Variants in C10orf67 observed in about 807,000 individuals in gnomAD.
C10orf67 encodes uncharacterized protein C10orf67, mitochondrial.
In C10orf67, 60 loss-of-function variants were observed where a neutral mutation model predicts 35.6. That is an observed-to-expected ratio of 1.68 (90% CI 1.37 to 2.09). The LOEUF is 2.09. Ranked by LOEUF, C10orf67 falls within the 30% of genes most tolerant of loss-of-function variation. C10orf67 has a pLI of 0.00. For missense variants in C10orf67, 474 were observed against 330.2 expected (o/e 1.44, Z -3.38); for synonymous variants, 167 against 115.8 (o/e 1.44, Z -2.84).
At chr10:23,306,824 C>A (rs1005920428) in intron 4 of C10orf67, among the ~76,000 whole-genome samples, 1 of 152,018 alleles carries the variant, frequency 6.6e-6, no homozygotes, top group African/African-American at 2.4e-5. Flanking sequence ...TATTTCAAAT[C>A]ATCACATTGT....
At chr10:23,263,953 T>C (rs532671601) in intron 10 of C10orf67, among the ~76,000 whole-genome samples, 1 of 152,340 alleles carries the variant, frequency 6.6e-6, no homozygotes, top group East Asian at 1.9e-4. Context: ...TTTATCACTG[T>C]GTGCTCCGTT....
chr10:23,279,608 A>G (rs1379312029), intron 8 of C10orf67, among the ~76,000 whole-genome samples: 1 of 152,170 alleles, frequency 6.6e-6, no homozygotes, highest in African/African-American at 2.4e-5. Flanking sequence ...GATGGAAATG[A>G]AGTAAGAGAA....
At chr10:23,277,849 GT>G (rs1173600251) in intron 8 of C10orf67, among the ~76,000 whole-genome samples, 1 of 152,142 alleles carries the variant, frequency 6.6e-6, no homozygotes, top group African/African-American at 2.4e-5. Flanking sequence ...GAGAAAAGAG[GT>G]TTAATTGGCT....
At chr10:23,325,664 T>A in intron 2 of C10orf67, among the ~76,000 whole-genome samples, 1 of 139,024 alleles carries the variant, frequency 7.2e-6, no homozygotes. Context: ...TAATCCAAAT[T>A]ACTTGGATTA....
chr10:23,217,470 C>A (rs899734306), intron 15 of C10orf67, among the ~76,000 whole-genome samples: 1 of 152,134 alleles, frequency 6.6e-6, no homozygotes, highest in African/African-American at 2.4e-5. Context: ...AAAGTTAATA[C>A]CCACTTGTCT....
chr10:23,325,889 A>G (rs1845176314), intron 2 of C10orf67, among the ~76,000 whole-genome samples: 1 of 152,184 alleles, frequency 6.6e-6, no homozygotes, highest in Non-Finnish European at 1.5e-5. Context: ...CAAATTCCCA[A>G]ATTGAAAAAT....
At chr10:23,238,180 G>T (rs1588604113) in intron 13 of C10orf67, among the ~76,000 whole-genome samples, 2 of 152,120 alleles carry the variant, frequency 1.3e-5, no homozygotes, top group East Asian at 3.9e-4. Context: ...TTGGTGCTTG[G>T]TACGTATGTG....
chr10:23,270,396 C>T (rs995753930), intron 8 of C10orf67, among the ~76,000 whole-genome samples: 1 of 152,148 alleles, frequency 6.6e-6, no homozygotes, highest in African/African-American at 2.4e-5. Context: ...CCTCATGAGC[C>T]CATACCACCA....
intron 3 of C10orf67, 34 bp from the exon 4 acceptor site, chr10:23,320,849 A>G (rs1233569238): frequency 1.4e-6 from 2 of 1,431,778 alleles, no homozygotes; most frequent in African/African-American, 1.4e-5. Context: ...AAGCACCATA[A>G]TGTATTTCCA....
intron 2 of C10orf67, among the ~76,000 whole-genome samples, chr10:23,325,029 T>G (rs1369871281): frequency 6.6e-6 from 1 of 152,094 alleles, no homozygotes; most frequent in African/African-American, 2.4e-5. Flanking sequence ...AGGGGAACTC[T>G]AAAATCACTG....
intron 4 of C10orf67, among the ~76,000 whole-genome samples, chr10:23,315,873 T>C (rs967348932): frequency 2.0e-5 from 3 of 152,064 alleles, no homozygotes; most frequent in African/African-American, 7.2e-5. Flanking sequence ...GGCTGGAGTA[T>C]AGCAGCACAA....
At chr10:23,250,390 C>T (rs903487461) in intron 12 of C10orf67, 65 bp downstream of exon 12, 3 of 397,410 alleles carry the variant, frequency 7.5e-6, no homozygotes, top group African/African-American at 4.1e-5. Context: ...TGCAACATTC[C>T]TAACTTCCTT....
rs554420367 is a variant in C10orf67, at chr10:23,299,753, G to A, written c.702+3551C>T. The stretch of plus-strand genomic sequence containing the variant: ...AGCACTTTGGGAGGCTGAGGCGGGC[G>A]AATCATGAGGTCAAGAGATCAAGAC... On this transcript the variant is annotated intron_variant, in intron 5 of 15. Transcript: ENST00000636213. Among the ~76,000 whole-genome samples, 66 of 152,154 alleles carry A rather than the reference G, an allele frequency of 4.3e-4. 2 individuals carry two copies. The South Asian group carries it at 0.013, about 30-fold the overall frequency.
rs946156630 is a variant in C10orf67, at chr10:23,335,018, G to A, written c.207-1836C>T. The stretch of plus-strand genomic sequence containing the variant: ...AGCCTGGCCAATATGGCAAAACCCC[G>A]TCTCGACTAAAAATACAAAATTAGC... On this transcript the variant is annotated intron_variant, in intron 1 of 15. Coordinates refer to ENST00000636213, the MANE Select transcript of C10orf67 (RefSeq NM_001371909.1). Among the ~76,000 whole-genome samples, 6 of 152,118 alleles carry A rather than the reference G, an allele frequency of 3.9e-5. No individual in the cohort carries two copies. The South Asian group carries it at 6.2e-4, about 16-fold the overall frequency.
At chr10:23,288,813 G>A (rs952715940) in intron 7 of C10orf67, among the ~76,000 whole-genome samples, 1 of 152,080 alleles carries the variant, frequency 6.6e-6, no homozygotes, top group African/African-American at 2.4e-5. Flanking sequence ...AGATATTTAT[G>A]TTTATTTGGA....
At chr10:23,216,500 T>A (rs552729209) in intron 15 of C10orf67, among the ~76,000 whole-genome samples, 116 of 152,226 alleles carry the variant, frequency 7.6e-4, no homozygotes, top group Admixed American at 1.3e-3. Flanking sequence ...AGGTATTTAG[T>A]AAACCTCTCA....
intron 10 of C10orf67, among the ~76,000 whole-genome samples, chr10:23,256,841 A>G (rs1189133209): frequency 2.0e-5 from 3 of 152,134 alleles, no homozygotes; most frequent in Non-Finnish European, 2.9e-5. Flanking sequence ...CTAGCATGTG[A>G]AAGTCTTAAG....
At chr10:23,275,193 C>A (rs894810503) in intron 8 of C10orf67, among the ~76,000 whole-genome samples, 1 of 152,110 alleles carries the variant, frequency 6.6e-6, no homozygotes, top group Non-Finnish European at 1.5e-5. Context: ...TCACTTAAAA[C>A]CAAACTGATG....
intron 10 of C10orf67, among the ~76,000 whole-genome samples, chr10:23,261,352 G>T (rs544601077): frequency 6.4e-4 from 98 of 152,262 alleles, no homozygotes; most frequent in Non-Finnish European, 1.2e-3. Context: ...TAGCTTTATT[G>T]TCCTGGCTGG....
Sources: gnomAD v4.1 joint callset for allele counts (sites outside exome capture counted in the v4.1 genomes callset) on GRCh38, gnomAD v4.1.1 for gene constraint, MANE v1.5 for transcripts, NCBI Gene and HGNC (gene_info 2026-07-23, HGNC 2026-07-21) for gene names.